The following SGCZ variants were observed in gnomAD, a reference collection of about 807,000 sequenced individuals.
SGCZ encodes the protein zeta-sarcoglycan.
Under a neutral mutation model 41.3 loss-of-function variants are expected in SGCZ, and 40 were observed. That is an observed-to-expected ratio of 0.97 (90% CI 0.75 to 1.26). SGCZ has a LOEUF of 1.26. Ranked by LOEUF, SGCZ falls within the 50% of genes most tolerant of loss-of-function variation. The probability of loss-of-function intolerance (pLI) is 0.00; values close to 1 mark genes in which losing one functional copy is unlikely to be tolerated. For synonymous variants in SGCZ, 206 were observed against 137.5 expected (o/e 1.50, Z -3.49); for missense variants, 552 against 369.8 (o/e 1.49, Z -4.04).
intron 1 of SGCZ, among the ~76,000 whole-genome samples, chr8:15,090,067 A>ACAAG (rs1806099500): frequency 6.6e-6 from 1 of 152,242 alleles, no homozygotes; most frequent in South Asian, 2.1e-4. Context: ...CAGTCAACAT[A>ACAAG]TTCTTTTTGC....
intron 2 of SGCZ, among the ~76,000 whole-genome samples, chr8:14,428,179 T>C (rs1017077597): frequency 6.6e-6 from 1 of 151,712 alleles, no homozygotes; most frequent in Non-Finnish European, 1.5e-5. Flanking sequence ...CACATGCATA[T>C]ATATTTATAT....
intron 1 of SGCZ, among the ~76,000 whole-genome samples, chr8:14,885,985 T>TCATA (rs1804777672): frequency 1.8e-5 from 1 of 55,976 alleles, no homozygotes; most frequent in African/African-American, 6.9e-5. Flanking sequence ...GGACTTTATG[T>TCATA]TATATATATA....
intron 1 of SGCZ, among the ~76,000 whole-genome samples, chr8:14,634,601 C>T (rs1585142066): frequency 6.6e-6 from 1 of 151,884 alleles, no homozygotes; most frequent in East Asian, 1.9e-4. Flanking sequence ...TACAAAATGA[C>T]TGTACGAGAA....
At chr8:14,722,968 G>A (rs1179414375) in intron 1 of SGCZ, among the ~76,000 whole-genome samples, 1 of 152,124 alleles carries the variant, frequency 6.6e-6, no homozygotes, top group African/African-American at 2.4e-5. Context: ...ATAGAATGCA[G>A]GGCCAGAATT....
In SGCZ at chr8:14,387,204, C is replaced by T. The variant is rs184889990; in HGVS notation, c.235-63000G>A. Among the ~76,000 whole-genome samples, 36 of 152,232 alleles carry T rather than the reference C, an allele frequency of 2.4e-4. 1 individual carries two copies. The highest frequency in any genetic ancestry group is 2.4e-3 in the Admixed American group (36 of 15,280). On this transcript the variant is annotated intron_variant, in intron 2 of 7. Coordinates refer to ENST00000382080, the MANE Select transcript of SGCZ (RefSeq NM_139167.4). ...CTAGGACTACATGTGTGCACCATCA[C>T]ACACGACTAACCTTTAAATTTGTTT...
intron 1 of SGCZ, among the ~76,000 whole-genome samples, chr8:14,632,575 A>C (rs1806693624): frequency 6.6e-6 from 1 of 152,116 alleles, no homozygotes; most frequent in South Asian, 2.1e-4. Flanking sequence ...ATAAATTGAA[A>C]GAATTCATCT....
At chr8:14,098,436 G>C (rs1199596974) in intron 7 of SGCZ, among the ~76,000 whole-genome samples, 1 of 152,110 alleles carries the variant, frequency 6.6e-6, no homozygotes, top group Non-Finnish European at 1.5e-5. Flanking sequence ...TACACTTGTG[G>C]CTCTCTTCTC....
intron 1 of SGCZ, among the ~76,000 whole-genome samples, chr8:14,904,807 T>G (rs1366746716): frequency 6.6e-6 from 1 of 152,036 alleles, no homozygotes; most frequent in East Asian, 1.9e-4. Context: ...AATTCTTTTT[T>G]TCTACAAGTC....
intron 1 of SGCZ, among the ~76,000 whole-genome samples, chr8:14,964,052 A>G (rs1801053764): frequency 6.6e-6 from 1 of 152,170 alleles, no homozygotes; most frequent in Admixed American, 6.5e-5. Context: ...CTAAAAATAA[A>G]TTGATCTTAT....
At chr8:15,076,369 A>G (rs1164096548) in intron 1 of SGCZ, among the ~76,000 whole-genome samples, 1 of 152,154 alleles carries the variant, frequency 6.6e-6, no homozygotes, top group Non-Finnish European at 1.5e-5. Context: ...GTAGCAAGAG[A>G]AGGATGGGAG....
At position 14,518,742 on chromosome 8, in the gene SGCZ, T is replaced by C. The variant is rs17119603; in HGVS notation, c.234+35990A>G. On this transcript the variant is annotated intron_variant, in intron 2 of 7. Coordinates refer to ENST00000382080, the MANE Select transcript of SGCZ (RefSeq NM_139167.4). ...AAAGACATGCTATCCTAATCCCTTATCACCCATCAAGATTAGATAGGCAGA... is the reference window on the plus strand; with the variant it reads ...AAAGACATGCTATCCTAATCCCTTACCACCCATCAAGATTAGATAGGCAGA... Among the ~76,000 whole-genome samples the C allele has an allele frequency of 9.6e-3, 1,449 of 151,708 alleles. 26 individuals are homozygous for C. Among genetic ancestry groups the C allele is most frequent in the African/African-American group, 0.033 (1,346 of 41,344 alleles).
At chr8:14,761,149 C>G (rs1016595637) in intron 1 of SGCZ, among the ~76,000 whole-genome samples, 1 of 152,100 alleles carries the variant, frequency 6.6e-6, no homozygotes, top group African/African-American at 2.4e-5. Flanking sequence ...AGTGCTTTCA[C>G]GGTCTTCGCT....
At chr8:14,817,937 C>T (rs1468040948) in intron 1 of SGCZ, among the ~76,000 whole-genome samples, 1 of 152,204 alleles carries the variant, frequency 6.6e-6, no homozygotes, top group Non-Finnish European at 1.5e-5. Context: ...CTTAGTGGAC[C>T]TGTCCACTTT....
chr8:14,686,145 A>G (rs1325203338), intron 1 of SGCZ, among the ~76,000 whole-genome samples: 1 of 152,168 alleles, frequency 6.6e-6, no homozygotes, highest in Non-Finnish European at 1.5e-5. Context: ...AGCAATTTAT[A>G]TAGAAAATTA....
intron 1 of SGCZ, among the ~76,000 whole-genome samples, chr8:14,834,417 A>T (rs12677960): frequency 0.048 from 7,348 of 152,090 alleles, 310 homozygotes; most frequent in East Asian, 0.23. Context: ...AGCCAAACAA[A>T]GGTTTATTTT....
At chr8:14,489,956 C>T (rs1466238448) in intron 2 of SGCZ, among the ~76,000 whole-genome samples, 1 of 150,880 alleles carries the variant, frequency 6.6e-6, no homozygotes, top group Non-Finnish European at 1.5e-5. Flanking sequence ...CAACCTCCGC[C>T]TCCCAGGTTC....
chr8:15,109,510 A>G (rs1276476208), intron 1 of SGCZ, among the ~76,000 whole-genome samples: 1 of 152,168 alleles, frequency 6.6e-6, no homozygotes, highest in African/African-American at 2.4e-5. Flanking sequence ...ATTTATTTGC[A>G]ATGAGTCACA....
chr8:14,556,984 A>G (rs908012720), intron 1 of SGCZ, among the ~76,000 whole-genome samples: 1 of 151,986 alleles, frequency 6.6e-6, no homozygotes, highest in Admixed American at 6.6e-5. Context: ...GTAGTTCTAC[A>G]TTTAATTATT....
At chr8:14,980,917 G>A (rs12545463) in intron 1 of SGCZ, among the ~76,000 whole-genome samples, 52,629 of 151,846 alleles carry the variant, frequency 0.35, 10,238 homozygotes, top group Non-Finnish European at 0.42. Flanking sequence ...AGTCTATCTC[G>A]CTTCTCAATT....
Sources: gnomAD v4.1 joint callset for allele counts (sites outside exome capture counted in the v4.1 genomes callset) on GRCh38, gnomAD v4.1.1 for gene constraint, MANE v1.5 for transcripts, NCBI Gene and HGNC (gene_info 2026-07-23, HGNC 2026-07-21) for gene names.